CTNNA2: variants seen among roughly 807,000 people sequenced by gnomAD.
CTNNA2 encodes catenin alpha 2, also known as catenin alpha-2.
Under a neutral mutation model 101.0 loss-of-function variants are expected in CTNNA2, and 42 were observed. The ratio of observed to expected loss-of-function variants is 0.42; its 90% CI spans 0.32 to 0.54. The LOEUF is 0.54. CTNNA2 is among the 20% of genes least tolerant of loss of function. The pLI is 0.14. For synonymous variants in CTNNA2, 450 were observed against 456.4 expected, an observed-to-expected ratio of 0.99 and a Z score of 0.18; for missense variants, 871 against 1,223.1, an observed-to-expected ratio of 0.71 and a Z score of 4.29.
At chr2:79,596,465 A>T (rs1677197085) in intron 1 of CTNNA2, among the ~76,000 whole-genome samples, 1 of 152,164 alleles carries the variant, frequency 6.6e-6, no homozygotes, top group Non-Finnish European at 1.5e-5. Context: ...ATATTGGGAA[A>T]TTGCACTATA....
intron 1 of CTNNA2, among the ~76,000 whole-genome samples, chr2:79,543,254 C>G (rs1388384149): frequency 6.6e-6 from 1 of 152,062 alleles, no homozygotes; most frequent in African/African-American, 2.4e-5. Flanking sequence ...TTCATTGAAA[C>G]AAAACCGTGT....
At chr2:79,704,715 G>T (rs370182593) in intron 2 of CTNNA2, among the ~76,000 whole-genome samples, 2 of 151,720 alleles carry the variant, frequency 1.3e-5, no homozygotes, top group African/African-American at 4.8e-5. Flanking sequence ...GGGTTTCACC[G>T]TGTTAGCCAG....
At chr2:80,090,700 C>T (rs1289634313) in intron 7 of CTNNA2, among the ~76,000 whole-genome samples, 1 of 151,952 alleles carries the variant, frequency 6.6e-6, no homozygotes, top group Non-Finnish European at 1.5e-5. Flanking sequence ...CAGGGATATG[C>T]AAAGATGGAA....
chr2:79,358,203 T>TC (rs1350457981), intron 3 of CTNNA2, among the ~76,000 whole-genome samples: 1 of 151,596 alleles, frequency 6.6e-6, no homozygotes, highest in Non-Finnish European at 1.5e-5. Context: ...TTCTTTTTCT[T>TC]CTTTTTTTTT....
At chr2:80,462,631 C>CTTTTTTTTTTTTTTT (rs753815778) in intron 9 of CTNNA2, among the ~76,000 whole-genome samples, 104 of 94,726 alleles carry the variant, frequency 1.1e-3, no homozygotes, top group East Asian at 1.9e-3. Context: ...TTCTTTCTTT[C>CTTTTTTTTTTTTTTT]TTTTTTTTTT....
intron 7 of CTNNA2, among the ~76,000 whole-genome samples, chr2:80,385,998 G>C (rs983773681): frequency 5.3e-5 from 8 of 152,150 alleles, no homozygotes; most frequent in African/African-American, 1.7e-4. Flanking sequence ...TGGGTTGATG[G>C]GGGGATGAGA....
chr2:79,852,670 C>A (rs1220677130), intron 3 of CTNNA2, among the ~76,000 whole-genome samples: 1 of 152,248 alleles, frequency 6.6e-6, no homozygotes, highest in Non-Finnish European at 1.5e-5. Flanking sequence ...CTGCTCACTG[C>A]AACCTCCGCC....
intron 3 of CTNNA2, among the ~76,000 whole-genome samples, chr2:79,852,372 A>G (rs997126504): frequency 4.6e-5 from 7 of 152,214 alleles, no homozygotes; most frequent in African/African-American, 1.4e-4. Context: ...CATGGAAGGT[A>G]TAGGAAATAC....
chr2:80,401,796 G>GAAA (rs59715103), intron 8 of CTNNA2, among the ~76,000 whole-genome samples: 58 of 142,372 alleles, frequency 4.1e-4, no homozygotes, highest in Admixed American at 1.3e-3. Flanking sequence ...GTAAGAGACA[G>GAAA]AAAAAAAAAA....
chr2:79,390,802 G>A lies in CTNNA2; in HGVS notation c.-135+16789G>A, dbSNP rs1678163730. ...CAATAATAGTGCAGAAATGTCACCT[G>A]TGTCGTGTCTCAAGGAGTGAAACCA... On this transcript the variant is annotated intron_variant, in intron 4 of 21. Coordinates refer to the CTNNA2 transcript ENST00000466387. 2.0e-5 allele frequency among the ~76,000 whole-genome samples: 3 copies of A among 152,270 alleles called. No individual in the cohort carries two copies. In the South Asian group the frequency reaches 6.2e-4, roughly 32 times the overall value.
chr2:80,539,695 C>T (rs1228704806), intron 9 of CTNNA2, among the ~76,000 whole-genome samples: 2 of 152,070 alleles, frequency 1.3e-5, no homozygotes, highest in African/African-American at 2.4e-5. Flanking sequence ...CTTTTACTTC[C>T]CCAGATCCAT....
intron 1 of CTNNA2, among the ~76,000 whole-genome samples, chr2:79,630,569 C>G (rs1189539874): frequency 2.0e-5 from 3 of 152,186 alleles, no homozygotes; most frequent in Admixed American, 2.0e-4. Flanking sequence ...ATGTAAGACA[C>G]AGAAACAAAT....
At chr2:80,475,281 T>G (rs557443095) in intron 9 of CTNNA2, among the ~76,000 whole-genome samples, 1 of 152,292 alleles carries the variant, frequency 6.6e-6, no homozygotes, top group Non-Finnish European at 1.5e-5. Context: ...TAGAGCATAC[T>G]GGGTTTTATA....
At chr2:80,098,191 A>C (rs562821688) in intron 7 of CTNNA2, among the ~76,000 whole-genome samples, 109 of 152,238 alleles carry the variant, frequency 7.2e-4, no homozygotes, top group African/African-American at 2.4e-3. Context: ...TTTGGTGTGG[A>C]TGTCCTTTCT....
chr2:80,369,808 A>G (rs1198656206), intron 7 of CTNNA2, among the ~76,000 whole-genome samples: 1 of 152,150 alleles, frequency 6.6e-6, no homozygotes, highest in Non-Finnish European at 1.5e-5. Flanking sequence ...AGCTTTGAAG[A>G]TGAAGAGAGG....
intron 3 of CTNNA2, among the ~76,000 whole-genome samples, chr2:79,318,448 A>G (rs1472486584): frequency 6.6e-6 from 1 of 152,224 alleles, no homozygotes; most frequent in East Asian, 1.9e-4. Flanking sequence ...AAAGCTTACC[A>G]GGTTCCAGTT....
Position 80,601,417 on chromosome 2 carries a change from C to CTTTTTTTTTTTTT in CTNNA2, c.2190-2654_2190-2653insTTTTTTTTTTTTT, listed in dbSNP as rs375645223. On this transcript the variant is annotated intron_variant, in intron 15 of 18. Transcript: ENST00000402739. Reference sequence around the variant, plus strand: ...GATTTAATGACTTTTTTCTTTCTTTCTTTCTTTTTTTTTTTTTTTGATGAG... The same window carrying CTTTTTTTTTTTTT: ...GATTTAATGACTTTTTTCTTTCTTTCTTTTTTTTTTTTTTTTCTTTTTTTTTTTTTTTGATGAG... Among the ~76,000 whole-genome samples the CTTTTTTTTTTTTT allele has an allele frequency of 8.5e-3, 796 of 93,734 alleles. 27 individuals are homozygous for CTTTTTTTTTTTTT. Among genetic ancestry groups the CTTTTTTTTTTTTT allele is most frequent in the East Asian group, 0.013 (34 of 2,596 alleles). The allele number at this position is 93,734 out of a possible 152,430, so 61.5% of individuals were successfully genotyped here.
chr2:80,251,460 G>T (rs762132890), intron 7 of CTNNA2, among the ~76,000 whole-genome samples: 7 of 152,124 alleles, frequency 4.6e-5, no homozygotes, highest in Non-Finnish European at 1.0e-4. Context: ...TCCATACGAA[G>T]AGGGGGACCT....
chr2:79,475,714 C>T (rs4852492), intron 4 of CTNNA2, among the ~76,000 whole-genome samples: 85,806 of 150,398 alleles, frequency 0.57, 25,338 homozygotes, highest in Non-Finnish European at 0.66. Flanking sequence ...TCTTTATATT[C>T]AGGAAAATTT....
Sources: allele counts gnomAD v4.1 joint callset (sites outside exome capture counted in the v4.1 genomes callset), GRCh38; gene constraint gnomAD v4.1.1; transcripts MANE v1.5; gene names NCBI Gene and HGNC (gene_info 2026-07-23, HGNC 2026-07-21).